The following KNDC1 variants were observed in gnomAD, a reference collection of about 807,000 sequenced individuals.
KNDC1 encodes the protein kinase non-catalytic C-lobe domain-containing protein 1.
Under a neutral mutation model 172.8 loss-of-function variants are expected in KNDC1, and 106 were observed. The observed-to-expected ratio is 0.61, with a 90% confidence interval of 0.52 to 0.72. The LOEUF is 0.72. Ranked by LOEUF, KNDC1 falls within the 30% of genes least tolerant of loss-of-function variation. The pLI, the probability that KNDC1 is intolerant of heterozygous loss-of-function variation, is 0.00. For missense variants in KNDC1, 2,325 were observed against 2,394.5 expected, an observed-to-expected ratio of 0.97 and a Z score of 0.61; for synonymous variants, 1,083 against 1,062.2, an observed-to-expected ratio of 1.02 and a Z score of -0.38.
Position 133,210,652 on chromosome 10 carries a change from C to T in KNDC1, c.3836C>T (p.Thr1279Ile). Residue 1279 changes from threonine (T) to isoleucine (I), a missense_variant, in exon 21 of 30, where the codon ACC (threonine) becomes ATC (isoleucine). Coordinates refer to ENST00000304613, the MANE Select transcript of KNDC1 (RefSeq NM_152643.8). ...GGTTATGTGCAGCAATTCCTCTACA[C>T]CTTCCGCTACTTCTGCACACCCCAC... Reference protein sequence around the residue: ...LEGYVQQFLYTFRYFCTPHDF... With the variant: ...LEGYVQQFLYIFRYFCTPHDF... 1.2e-6 allele frequency: 2 copies of T among 1,614,090 alleles called. No individual in the cohort carries two copies. The highest frequency in any genetic ancestry group is 1.1e-5 in the South Asian group (1 of 91,074).
At chr10:133,188,738 G>T (rs1304649247) in intron 7 of KNDC1, 85 bp downstream of exon 7, 2 of 530,346 alleles carry the variant, frequency 3.8e-6, no homozygotes, top group South Asian at 1.9e-5. Context: ...CACCCCCGCC[G>T]TCCCACCCCC....
Position 133,207,167 on chromosome 10 carries a change from C to A in KNDC1, c.3610C>A (p.Pro1204Thr). 4 of 1,604,492 alleles carry A rather than the reference C, an allele frequency of 2.5e-6. No homozygotes were observed. The highest frequency in any genetic ancestry group is 3.4e-6 in the Non-Finnish European group (4 of 1,176,716). ...GTACGCGGAACGCTGGGGCCTGGAG[C>A]CCTGCACCCTCCCAGTGATCGTGAA... ...VMYAERWGLE[P>T]CTLPVIVNIA... The change falls in exon 20 of 30, where the codon CCC becomes ACC. Residue 1204 changes from proline (P) to threonine (T), a missense_variant. Coordinates refer to ENST00000304613, the MANE Select transcript of KNDC1 (RefSeq NM_152643.8).
At chr10:133,186,974 G>A (rs1217579079) in intron 6 of KNDC1, among the ~76,000 whole-genome samples, 2 of 152,166 alleles carry the variant, frequency 1.3e-5, no homozygotes, top group Admixed American at 1.3e-4. Flanking sequence ...CCGTCCCGAG[G>A]GATTAATTTT....
At chr10:133,201,377 G>A (rs1854358910) in intron 16 of KNDC1, 124 bp from the exon 17 acceptor site, 5 of 1,075,924 alleles carry the variant, frequency 4.6e-6, no homozygotes, top group Non-Finnish European at 6.8e-6. Flanking sequence ...GGGCGCCCGT[G>A]GTGGGCGGGT....
chr10:133,189,279 C>T (rs994398583), intron 7 of KNDC1, among the ~76,000 whole-genome samples: 9 of 152,160 alleles, frequency 5.9e-5, no homozygotes, highest in South Asian at 2.1e-4. Context: ...GGCCCTGACT[C>T]GGGACGGGGC....
At chr10:133,177,893 G>A (rs1853594059) in intron 3 of KNDC1, among the ~76,000 whole-genome samples, 1 of 63,796 alleles carries the variant, frequency 1.6e-5, no homozygotes, top group African/African-American at 4.4e-5. Flanking sequence ...TGTGTAGTGT[G>A]CATGTGTGTG....
At chr10:133,214,196 A>G in intron 26 of KNDC1, 74 bp downstream of exon 26, 1 of 1,533,070 alleles carries the variant, frequency 6.5e-7, no homozygotes, top group South Asian at 1.1e-5. Context: ...CGCCTCCTAT[A>G]AGGCCGTGGC....
rs1306030850 is a variant in KNDC1 at position 133,205,984 on chromosome 10, T to C, written c.3388-701T>C. Among the ~76,000 whole-genome samples the C allele has an allele frequency of 5.3e-5, 8 of 152,328 alleles. No individual in the cohort carries two copies. In the East Asian group the frequency reaches 1.5e-3, roughly 29 times the overall value. On this transcript the variant is annotated intron_variant, in intron 17 of 29. Transcript: ENST00000304613. ...GGGAGGCCGAGGCGGGCAGATCACC[T>C]GAGGTCGGGAGTTCAAGACCAGCCT...
Position 133,198,514 on chromosome 10 carries a change from C to T in KNDC1, c.2069+15C>T. 6.3e-7 allele frequency: 1 copy of T among 1,593,696 alleles called. No homozygotes were observed. The highest frequency in any genetic ancestry group is 8.6e-7 in the Non-Finnish European group (1 of 1,166,734). ...AGTGTGGCCAGGTGAGCATCGTCCC[C>T]ACACCCCGGAGCTGCTGGGTCCCGG... On this transcript the variant is annotated intron_variant, in intron 13 of 29. Coordinates refer to ENST00000304613, the MANE Select transcript of KNDC1 (RefSeq NM_152643.8).
intron 3 of KNDC1, among the ~76,000 whole-genome samples, chr10:133,177,572 C>T (rs1443926988): frequency 1.3e-5 from 2 of 150,188 alleles, no homozygotes; most frequent in South Asian, 4.2e-4. Context: ...TGTGTACATG[C>T]ATGTGGTGTG....
intron 9 of KNDC1, among the ~76,000 whole-genome samples, chr10:133,192,437 T>A (rs1854089481): frequency 6.6e-6 from 1 of 152,158 alleles, no homozygotes; most frequent in Non-Finnish European, 1.5e-5. Context: ...GATGTCAAAC[T>A]GAATGAAAAC....
At chr10:133,195,632 G>A (rs375370290) in intron 9 of KNDC1, 31 bp from the exon 10 acceptor site, 20 of 1,516,040 alleles carry the variant, frequency 1.3e-5, no homozygotes, top group African/African-American at 2.8e-5. Flanking sequence ...ACAGCCCTGC[G>A]GTAGACACTA....
In KNDC1 at chr10:133,224,115, G is replaced by A. The variant is rs552728191; in HGVS notation, c.5019-544G>A. 3.6e-4 allele frequency among the ~76,000 whole-genome samples: 55 copies of A among 152,306 alleles called. No homozygotes were observed. The highest frequency in any genetic ancestry group is 1.3e-3 in the African/African-American group (53 of 41,560). ...TTGTCCCTCACACTGGGCATGTGGT[G>A]TTTCCATCCAAAATCAGGACAGGGC... On this transcript the variant is annotated intron_variant, in intron 29 of 29. Transcript: ENST00000304613. The surrounding 1 kb of genome is among the most constrained non-coding windows in gnomAD (Gnocchi z 5.4).
At position 133,224,864 on chromosome 10, in the gene KNDC1, C is replaced by A. The variant is rs146572070; in HGVS notation, c.5224C>A (p.Arg1742=). ...KHSRKIQDKL[R]RMKATFQ ...CTCACGGAAGATTCAGGACAAGCTACGGAGGATGAAGGCTACATTCCAGTA... is the reference window on the plus strand; with the variant it reads ...CTCACGGAAGATTCAGGACAAGCTAAGGAGGATGAAGGCTACATTCCAGTA... Residue 1742 remains arginine (R), a synonymous_variant, in exon 30 of 30, where the codon CGG becomes AGG. Coordinates refer to ENST00000304613, the MANE Select transcript of KNDC1 (RefSeq NM_152643.8). This position sits in a 1 kb window ranked among gnomAD's most constrained non-coding sequence, Gnocchi z 5.4. The A allele has an allele frequency of 2.5e-6, 4 of 1,613,738 alleles. No individual in the cohort carries two copies. The highest frequency in any genetic ancestry group is 3.4e-6 in the Non-Finnish European group (4 of 1,179,862).
rs1335662438 is a variant in KNDC1 at position 133,212,905 on chromosome 10, C to A, written c.4426C>A (p.Leu1476Ile). 6.2e-7 allele frequency: 1 copy of A among 1,612,780 alleles called. No homozygotes were observed. The highest frequency in any genetic ancestry group is 1.7e-5 in the Admixed American group (1 of 59,990). The change falls in exon 24 of 30, where the codon CTC (leucine) becomes ATC (isoleucine). Residue 1476 changes from leucine (L) to isoleucine (I), a missense_variant. Transcript: ENST00000304613. Reference sequence around the variant, plus strand: ...CAGCACTCACCAGCTCTTCAGCCAGCTCACGCTGCTACAGCAGGTGAGGAG... The same window carrying A: ...CAGCACTCACCAGCTCTTCAGCCAGATCACGCTGCTACAGCAGGTGAGGAG... ...EYSTHQLFSQ[L>I]TLLQQELFQK...
At position 133,201,565 on chromosome 10, in the gene KNDC1, G is replaced by C. The variant is rs191568937; in HGVS notation, c.3054G>C (p.Ser1018=). 6.2e-7 allele frequency: 1 copy of C among 1,612,468 alleles called. No individual in the cohort carries two copies. Among genetic ancestry groups the C allele is most frequent in the Non-Finnish European group, 8.5e-7 (1 of 1,179,758 alleles). Residue 1018 remains serine (S), a synonymous_variant, in exon 17 of 30, where the codon TCG becomes TCC. Transcript: ENST00000304613. ...SRAPCSPTSV[S]DVDSDALSRG... is the part of the protein sequence containing the mutation. ...CCCCCTGCTCACCCACCTCGGTGTC[G>C]GATGTGGACTCGGACGCACTGTCAC...
At chr10:133,211,259 G>A (rs1304693672) in intron 21 of KNDC1, among the ~76,000 whole-genome samples, 163 bp from the exon 22 acceptor site, 1 of 136,600 alleles carries the variant, frequency 7.3e-6, no homozygotes, top group Non-Finnish European at 1.5e-5. Context: ...CTCAGCTCCT[G>A]CCTCGGGGGA....
chr10:133,168,210 G>T lies in KNDC1; in HGVS notation c.302-44G>T, dbSNP rs1383918605. On this transcript the variant is annotated intron_variant, in intron 2 of 29. Coordinates refer to ENST00000304613, the MANE Select transcript of KNDC1 (RefSeq NM_152643.8). ...CTCAGCTGGCGGGTTCAGGTTTGCAGGTGTGACCAGAAGCCTTCTCTCCTT... is the reference window on the plus strand; with the variant it reads ...CTCAGCTGGCGGGTTCAGGTTTGCATGTGTGACCAGAAGCCTTCTCTCCTT... 1.9e-6 allele frequency: 3 copies of T among 1,580,872 alleles called. No individual in the cohort carries two copies. The South Asian group carries it at 3.3e-5, about 17-fold the overall frequency.
At position 133,183,909 on chromosome 10, in the gene KNDC1, C is replaced by T. The variant is rs760020094; in HGVS notation, c.545C>T (p.Thr182Ile). 1.2e-6 allele frequency: 2 copies of T among 1,602,832 alleles called. No homozygotes were observed. Among genetic ancestry groups the T allele is most frequent in the Non-Finnish European group, 1.7e-6 (2 of 1,171,580 alleles). ...IALCEEKLQLTSSCRVCRSLS... is the reference protein window; with the variant it reads ...IALCEEKLQLISSCRVCRSLS... ...CTGTGTGAAGAGAAGCTGCAGCTCA[C>T]ATCCTCCTGTCGCGTGTGCCGGAGC... Residue 182 changes from threonine (T) to isoleucine (I), a missense_variant, in exon 5 of 30, where the codon ACA becomes ATA. Thr to Ile is a moderately conservative substitution (Grantham distance 89). Transcript: ENST00000304613.
Sources: allele counts gnomAD v4.1 joint callset (sites outside exome capture counted in the v4.1 genomes callset), GRCh38; gene constraint gnomAD v4.1.1; non-coding constraint Gnocchi (gnomAD v3.1); transcripts MANE v1.5; gene names NCBI Gene and HGNC (gene_info 2026-07-23, HGNC 2026-07-21).